The following DHX57 variants were observed in gnomAD, a reference collection of about 807,000 sequenced individuals.
DHX57 encodes the protein DExH-box helicase 57, also known as putative ATP-dependent RNA helicase DHX57.
DHX57 carries 105 observed loss-of-function variants against 156.2 expected under a neutral mutation model. The observed-to-expected ratio is 0.67, with a 90% CI of 0.57 to 0.79. The LOEUF (loss-of-function observed/expected upper bound fraction) is 0.79. DHX57 is among the 30% of genes least tolerant of loss of function. The pLI, the probability that DHX57 is intolerant of heterozygous loss-of-function variation, is 0.00. For synonymous variants in DHX57, 704 were observed against 595.6 expected (o/e 1.18, Z -2.65); for missense variants, 1,847 against 1,661.9 (o/e 1.11, Z -1.94).
In DHX57 at chr2:38,813,811, GTT is replaced by G. The variant is rs1558359361; in HGVS notation, c.3681+8_3681+9del. On this transcript the variant is annotated splice_region_variant and intron_variant, in intron 21 of 23. Coordinates refer to ENST00000457308, the MANE Select transcript of DHX57 (RefSeq NM_198963.3). ...AAAAATGGAAAGATCTAGGAAAAAT[GTT>G]TTGTTACCTGCACTACATTTGGATA... 6 of 1,613,300 alleles carry G rather than the reference GTT, an allele frequency of 3.7e-6. No homozygotes were observed. The highest frequency in any genetic ancestry group is 5.1e-6 in the Non-Finnish European group (6 of 1,179,444).
chr2:38,855,395 T>A (rs1366017124), intron 7 of DHX57, 143 bp from the exon 8 acceptor site: 3 of 859,004 alleles, frequency 3.5e-6, no homozygotes, highest in African/African-American at 1.7e-5. Flanking sequence ...AACAACCTCC[T>A]GACTTATTAC....
At position 38,863,390 on chromosome 2, in the gene DHX57, C is replaced by G. The variant is rs201899943; in HGVS notation, c.354G>C (p.Leu118=). The change falls in exon 3 of 24, where the codon CTG becomes CTC. Residue 118 remains leucine (L), a synonymous_variant. Coordinates refer to ENST00000457308, the MANE Select transcript of DHX57 (RefSeq NM_198963.3). ...ATCCAGCATCAGCATCTTGTTCTTG[C>G]AGGTCTCGGAGAAGAGCTTTCACTT... is the stretch of plus-strand genomic sequence containing the variant. The part of the protein sequence containing the change: ...QEKVKALLRD[L]QEQDADAGSE... 29 of 1,612,740 alleles carry G rather than the reference C, an allele frequency of 1.8e-5. No individual in the cohort carries two copies. In the African/African-American group the frequency reaches 3.6e-4, roughly 20 times the overall value.
At chr2:38,810,847 T>C (rs567204111) in intron 21 of DHX57, 1 of 742,552 alleles carries the variant, frequency 1.3e-6, no homozygotes, top group Non-Finnish European at 2.4e-6. Flanking sequence ...ACCTCAGGAC[T>C]TCATTTCAAT....
chr2:38,875,927 C>T lies in DHX57; in HGVS notation c.-147G>A, dbSNP rs1665596795. 7 of 397,052 alleles carry T rather than the reference C, an allele frequency of 1.8e-5. No individual in the cohort carries two copies. The Admixed American group carries it at 2.2e-4, about 12-fold the overall frequency. 24.6% of individuals were successfully genotyped at this position (397,052 alleles called of 1,614,324 possible). ...CCCAGCTGCAGCGGCACAGTCCCGG[C>T]GCCTTCTGATTGGCTCAGCTACAGC... On this transcript the variant is annotated 5_prime_UTR_variant, in exon 1 of 24. Coordinates refer to ENST00000457308, the MANE Select transcript of DHX57 (RefSeq NM_198963.3).
chr2:38,833,109 T>C (rs1671466850), intron 13 of DHX57, among the ~76,000 whole-genome samples: 1 of 151,848 alleles, frequency 6.6e-6, no homozygotes, highest in Admixed American at 6.6e-5. Flanking sequence ...AAACTCCAAT[T>C]TCAGACAGTG....
Position 38,861,620 on chromosome 2 carries a change from T to A in DHX57, c.790A>T (p.Ile264Leu). 1 of 1,614,196 alleles carries A rather than the reference T, an allele frequency of 6.2e-7. No homozygotes were observed. The highest frequency in any genetic ancestry group is 8.5e-7 in the Non-Finnish European group (1 of 1,180,030). ...ALKSICGEKF[I>L]ERIQNRVWTI... The stretch of plus-strand genomic sequence containing the variant: ...CAGACTCTGTTCTGAATTCTTTCTA[T>A]AAATTTTTCTCCACAGATGGACTTG... Residue 264 changes from isoleucine to leucine, a missense_variant, in exon 5 of 24, where the codon ATA becomes TTA. Coordinates refer to ENST00000457308, the MANE Select transcript of DHX57 (RefSeq NM_198963.3).
intron 4 of DHX57, 78 bp from the exon 5 acceptor site, chr2:38,861,915 G>T: frequency 7.1e-7 from 1 of 1,413,788 alleles, no homozygotes; most frequent in Non-Finnish European, 9.5e-7. Flanking sequence ...ATTTAAATAT[G>T]CTTAGATGAA....
intron 6 of DHX57, 124 bp from the exon 7 acceptor site, chr2:38,856,585 T>A: frequency 7.9e-7 from 1 of 1,258,614 alleles, no homozygotes; most frequent in East Asian, 2.7e-5. Context: ...CTCACTCCAA[T>A]CTGCACTTCC....
At chr2:38,870,747 C>T (rs1171871823) in intron 1 of DHX57, among the ~76,000 whole-genome samples, 1 of 152,002 alleles carries the variant, frequency 6.6e-6, no homozygotes, top group Non-Finnish European at 1.5e-5. Flanking sequence ...GGTGTGGTGG[C>T]ACACACCTGT....
chr2:38,847,363 C>A (rs1558390016), intron 10 of DHX57, among the ~76,000 whole-genome samples: 1 of 152,154 alleles, frequency 6.6e-6, no homozygotes, highest in East Asian at 1.9e-4. Context: ...CCACTTCCAC[C>A]ATAGAGGACC....
chr2:38,875,089 T>C (rs949683023), intron 1 of DHX57, among the ~76,000 whole-genome samples: 1 of 152,188 alleles, frequency 6.6e-6, no homozygotes, highest in African/African-American at 2.4e-5. Flanking sequence ...AGATCTGAGA[T>C]ATGCGCTTAA....
At position 38,843,173 on chromosome 2, in the gene DHX57, T is replaced by C. The variant is rs1453538912; in HGVS notation, c.2257A>G (p.Met753Val). Residue 753 changes from methionine to valine, a missense_variant, in exon 12 of 24, where the codon ATG becomes GTG. Met to Val is a conservative substitution (Grantham distance 21). Transcript: ENST00000457308. ...AGCTTTTCCTTTGAAATCTGTTTCA[T>C]GGACCGCATATATGGGCTCCCATCC... is the stretch of plus-strand genomic sequence containing the variant. ...LQDGSPYMRS[M>V]KQISKEKLKA... 1 of 1,614,212 alleles carries C rather than the reference T, an allele frequency of 6.2e-7. No individual in the cohort carries two copies. Among genetic ancestry groups the C allele is most frequent in the Non-Finnish European group, 8.5e-7 (1 of 1,180,028 alleles).
intron 9 of DHX57, among the ~76,000 whole-genome samples, chr2:38,850,400 C>T (rs1302774994): frequency 6.6e-6 from 1 of 152,072 alleles, no homozygotes; most frequent in Non-Finnish European, 1.5e-5. Flanking sequence ...CTGCCTCAGC[C>T]TCCTGAGTAG....
At chr2:38,862,040 T>G in intron 4 of DHX57, 105 bp downstream of exon 4, 2 of 1,353,504 alleles carry the variant, frequency 1.5e-6, no homozygotes, top group Non-Finnish European at 2.0e-6. Flanking sequence ...CAGGCATTGC[T>G]GGAACCCACA....
intron 23 of DHX57, among the ~76,000 whole-genome samples, chr2:38,799,437 C>CA (rs772099726): frequency 0.87 from 83,572 of 95,576 alleles, 37,339 homozygotes; most frequent in East Asian, 0.97. Context: ...CTTGTTGTCT[C>CA]AAAAAAAAAA....
At chr2:38,807,002 G>T (rs1192824626) in intron 21 of DHX57, among the ~76,000 whole-genome samples, 2 of 151,606 alleles carry the variant, frequency 1.3e-5, no homozygotes, top group Admixed American at 1.3e-4. Flanking sequence ...CAGTGACCCA[G>T]CTGATGACAC....
At chr2:38,840,437 G>A (rs1222474062) in intron 12 of DHX57, among the ~76,000 whole-genome samples, 1 of 151,368 alleles carries the variant, frequency 6.6e-6, no homozygotes. Flanking sequence ...CTGGAGTGCA[G>A]TGGTGCAATC....
intron 19 of DHX57, among the ~76,000 whole-genome samples, chr2:38,818,051 T>C (rs997014703): frequency 6.6e-6 from 1 of 152,108 alleles, no homozygotes; most frequent in Non-Finnish European, 1.5e-5. Context: ...GTAAGAAAAA[T>C]TAACAAAATC....
intron 23 of DHX57, among the ~76,000 whole-genome samples, chr2:38,800,739 C>G (rs956541577): frequency 6.6e-6 from 1 of 152,146 alleles, no homozygotes; most frequent in Non-Finnish European, 1.5e-5. Context: ...CTTTCGATAC[C>G]ACTAGGTTAA....
Sources: allele counts gnomAD v4.1 joint callset (sites outside exome capture counted in the v4.1 genomes callset), GRCh38; gene constraint gnomAD v4.1.1; transcripts MANE v1.5; gene names NCBI Gene and HGNC (gene_info 2026-07-23, HGNC 2026-07-21).